ABCC11: variants seen among roughly 807,000 people sequenced by gnomAD.
The protein encoded by ABCC11 is ATP-binding cassette sub-family C member 11.
ABCC11 carries 135 observed loss-of-function variants against 149.3 expected under a neutral mutation model. That is an observed-to-expected ratio of 0.90 (90% CI 0.79 to 1.04). ABCC11 has a LOEUF of 1.04. ABCC11 is among the 50% of genes least tolerant of loss of function. The pLI, the probability that ABCC11 is intolerant of heterozygous loss-of-function variation, is 0.00. For missense variants in ABCC11, 1,680 were observed against 1,722.1 expected, an observed-to-expected ratio of 0.98 and a Z score of 0.43; for synonymous variants, 665 against 671.4, an observed-to-expected ratio of 0.99 and a Z score of 0.15.
chr16:48,244,448 G>A, intron 1 of ABCC11: 1 of 1,595,610 alleles, frequency 6.3e-7, no homozygotes, highest in Middle Eastern at 1.7e-4. Flanking sequence ...TCACCCACGA[G>A]GGCGTCCTGC....
intron 18 of ABCC11, among the ~76,000 whole-genome samples, chr16:48,194,602 G>A (rs186631704): frequency 3.6e-4 from 55 of 152,314 alleles, no homozygotes; most frequent in Non-Finnish European, 6.6e-4. Flanking sequence ...AAGAGGTGAC[G>A]ACCATGAGGA....
chr16:48,227,041 C>T (rs760401391), intron 4 of ABCC11, among the ~76,000 whole-genome samples: 1 of 152,150 alleles, frequency 6.6e-6, no homozygotes, highest in Non-Finnish European at 1.5e-5. Context: ...GTGGGTGGTA[C>T]AAGAAATTTA....
chr16:48,208,666 A>G (rs1311450025), intron 11 of ABCC11, among the ~76,000 whole-genome samples, 170 bp from the exon 12 acceptor site: 1 of 152,190 alleles, frequency 6.6e-6, no homozygotes, highest in Non-Finnish European at 1.5e-5. Context: ...CTTTGTGCTC[A>G]GTCCCTGGAG....
chr16:48,173,275 T>TG (rs571937794), intron 26 of ABCC11, among the ~76,000 whole-genome samples: 23 of 152,024 alleles, frequency 1.5e-4, no homozygotes, highest in African/African-American at 5.1e-4. Context: ...CAGAAAGAGG[T>TG]GGGGGGAAAT....
intron 25 of ABCC11, 77 bp downstream of exon 25, chr16:48,176,847 C>A: frequency 6.8e-7 from 1 of 1,474,358 alleles, no homozygotes; most frequent in South Asian, 1.3e-5. Context: ...ACTGAGCAAA[C>A]ACATGCCCCT....
At chr16:48,178,447 A>C (rs1480695646) in intron 24 of ABCC11, 150 bp downstream of exon 24, 1 of 668,954 alleles carries the variant, frequency 1.5e-6, no homozygotes, top group African/African-American at 1.8e-5. Context: ...TGGTCAACAA[A>C]AGTCTGGGGA....
In ABCC11 at chr16:48,200,280, A is replaced by T. The variant is rs1489959707; in HGVS notation, c.2078T>A (p.Leu693Gln). ...GKTVVLVTHQ[L>Q]QYLEFCGQII... ...GAGCCCTGGAAGGGTGCTAACCTGCAGCTGGTGGGTCACCAGGACGACCGT... is the reference window on the plus strand; with the variant it reads ...GAGCCCTGGAAGGGTGCTAACCTGCTGCTGGTGGGTCACCAGGACGACCGT... Residue 693 changes from leucine to glutamine, a missense_variant, in exon 15 of 30, where the codon CTG becomes CAG. Physicochemically the swap from Leu to Gln is moderately radical, Grantham distance 113 (BLOSUM62 -2). Transcript: ENST00000356608. The T allele has an allele frequency of 1.9e-6, 3 of 1,613,978 alleles. No individual in the cohort carries two copies. The highest frequency in any genetic ancestry group is 2.5e-6 in the Non-Finnish European group (3 of 1,179,984).
At chr16:48,245,980 G>T (rs1310763070) in intron 1 of ABCC11, among the ~76,000 whole-genome samples, 2 of 151,948 alleles carry the variant, frequency 1.3e-5, no homozygotes, top group East Asian at 1.9e-4. Context: ...TTAAATTAGG[G>T]GTTCCTGACT....
At chr16:48,201,320 A>T (rs1967949774) in intron 14 of ABCC11, among the ~76,000 whole-genome samples, 1 of 152,142 alleles carries the variant, frequency 6.6e-6, no homozygotes, top group African/African-American at 2.4e-5. Context: ...TCTGTTGCCC[A>T]GGCTGGAGTG....
At chr16:48,235,949 A>G (rs1032297367) in intron 1 of ABCC11, among the ~76,000 whole-genome samples, 4 of 152,078 alleles carry the variant, frequency 2.6e-5, no homozygotes, top group Non-Finnish European at 4.4e-5. Context: ...GAGCTGATTT[A>G]TTTCCATGTT....
At chr16:48,177,981 T>C (rs1247628074) in intron 24 of ABCC11, among the ~76,000 whole-genome samples, 1 of 152,192 alleles carries the variant, frequency 6.6e-6, no homozygotes, top group Non-Finnish European at 1.5e-5. Flanking sequence ...TGAGATAGTC[T>C]AGATAAAGGG....
rs540494383 is a variant in ABCC11, at chr16:48,240,782, T to C, written c.-19+6532A>G. ...ATAAATAAATAAATAAATATGAAAT[T>C]ATCTCCTTACATAATACTTACTAAT... On this transcript the variant is annotated intron_variant, in intron 1 of 29. Transcript: ENST00000356608. Among the ~76,000 whole-genome samples the C allele has an allele frequency of 7.2e-5, 11 of 152,102 alleles. No individual in the cohort carries two copies. In the East Asian group the frequency reaches 7.7e-4, roughly 11 times the overall value.
chr16:48,171,964 G>GAACAA lies in ABCC11; in HGVS notation c.3699-1002_3699-998dup, dbSNP rs537090360. 5.8e-3 allele frequency among the ~76,000 whole-genome samples: 879 copies of GAACAA among 152,106 alleles called. 5 individuals carry two copies. Among genetic ancestry groups the GAACAA allele is most frequent in the Non-Finnish European group, 8.3e-3 (565 of 67,972 alleles). On this transcript the variant is annotated intron_variant, in intron 26 of 29. Transcript: ENST00000356608. ...GGTGACAGAGTGAGACTCGGTCTCA[G>GAACAA]AACAAAACAAAACAAAACAAAACAA...
intron 14 of ABCC11, 26 bp from the exon 15 acceptor site, chr16:48,200,505 A>C (rs1263704534): frequency 6.2e-7 from 1 of 1,609,632 alleles, no homozygotes; most frequent in South Asian, 1.1e-5. Context: ...AAAAGGCACC[A>C]TGTCCAGACA....
chr16:48,222,905 G>T (rs1310105675), intron 5 of ABCC11, 74 bp from the exon 6 acceptor site: 2 of 1,278,612 alleles, frequency 1.6e-6, no homozygotes, highest in African/African-American at 1.5e-5. Flanking sequence ...GCTGGAAGAA[G>T]GGTTGGGAGG....
At position 48,211,192 on chromosome 16, in the gene ABCC11, A is replaced by C; in HGVS notation, c.1364T>G (p.Phe455Cys). 6.2e-7 allele frequency: 1 copy of C among 1,613,846 alleles called. No individual in the cohort carries two copies. Among genetic ancestry groups the C allele is most frequent in the South Asian group, 1.1e-5 (1 of 91,088 alleles). ...ATAGAAAACAGGGCTCTCCTGGAGG[A>C]AAAACTTCTGTAAAGACAGAAAAAA... is the stretch of plus-strand genomic sequence containing the variant. ...KSAVMRFKKF[F>C]LQESPVFYVQ... Residue 455 changes from phenylalanine (F) to cysteine (C), a missense_variant, in exon 11 of 30, where the codon TTC (phenylalanine) becomes TGC (cysteine). Coordinates refer to ENST00000356608, the MANE Select transcript of ABCC11 (RefSeq NM_001370497.1).
Position 48,186,980 on chromosome 16 carries a change from T to C in ABCC11, c.3044A>G (p.Tyr1015Cys), listed in dbSNP as rs748923651. 1.4e-5 allele frequency: 23 copies of C among 1,614,026 alleles called. No homozygotes were observed. Among genetic ancestry groups the C allele is most frequent in the South Asian group, 9.9e-5 (9 of 91,086 alleles). Reference sequence around the variant, plus strand: ...GCTGATGAAGTCTTCAGTTTTTCCATAGACATGGATGGAGCTCAGGCCTTG... The same window carrying C: ...GCTGATGAAGTCTTCAGTTTTTCCACAGACATGGATGGAGCTCAGGCCTTG... ...SLQGLSSIHV[Y>C]GKTEDFISQF... The change falls in exon 22 of 30, where the codon TAT becomes TGT. Residue 1015 changes from tyrosine to cysteine, a missense_variant. Coordinates refer to ENST00000356608, the MANE Select transcript of ABCC11 (RefSeq NM_001370497.1).
chr16:48,245,622 G>A (rs530388271), intron 1 of ABCC11, among the ~76,000 whole-genome samples: 1 of 150,952 alleles, frequency 6.6e-6, no homozygotes, highest in East Asian at 1.9e-4. Flanking sequence ...GGGAAACCAG[G>A]AGGTTGGTCA....
chr16:48,246,446 A>G (rs1971391752), intron 1 of ABCC11, among the ~76,000 whole-genome samples: 1 of 152,140 alleles, frequency 6.6e-6, no homozygotes. Context: ...TTTTCTTTCT[A>G]CTGTGCATAT....
Sources: gnomAD v4.1 joint callset for allele counts (sites outside exome capture counted in the v4.1 genomes callset) on GRCh38, gnomAD v4.1.1 for gene constraint, MANE v1.5 for transcripts, NCBI Gene and HGNC (gene_info 2026-07-23, HGNC 2026-07-21) for gene names.